PTPRQ: variants seen among roughly 807,000 people sequenced by gnomAD.
The protein encoded by PTPRQ is phosphatidylinositol phosphatase PTPRQ.
In PTPRQ, 199 loss-of-function variants were observed where a neutral mutation model predicts 246.0. The ratio of observed to expected loss-of-function variants is 0.81; its 90% confidence interval spans 0.72 to 0.91. The LOEUF is 0.91. PTPRQ is among the 40% of genes least tolerant of loss of function. PTPRQ has a pLI of 0.00. For synonymous variants in PTPRQ, 869 were observed against 853.2 expected, an observed-to-expected ratio of 1.02 and a Z score of -0.32; for missense variants, 2,624 against 2,528.4, an observed-to-expected ratio of 1.04 and a Z score of -0.81.
At chr12:80,463,464 C>G (rs919332868) in intron 6 of PTPRQ, among the ~76,000 whole-genome samples, 1 of 152,182 alleles carries the variant, frequency 6.6e-6, no homozygotes, top group African/African-American at 2.4e-5. Context: ...TCCAGGAGAA[C>G]TTCCCCAATC....
chr12:80,611,206 A>T (rs1158258617), intron 28 of PTPRQ, among the ~76,000 whole-genome samples: 1 of 150,352 alleles, frequency 6.7e-6, no homozygotes, highest in African/African-American at 2.4e-5. Flanking sequence ...GAATAATAAG[A>T]TTGTAACCAA....
At chr12:80,642,931 A>AAAAAAAC (rs1899929940) in intron 35 of PTPRQ, among the ~76,000 whole-genome samples, 2 of 114,994 alleles carry the variant, frequency 1.7e-5, no homozygotes, top group African/African-American at 5.2e-5. Flanking sequence ...AAAAAAAAAA[A>AAAAAAAC]AAAAAAAAAA....
intron 31 of PTPRQ, 46 bp from the exon 32 acceptor site, chr12:80,620,108 T>C (rs1257756772): frequency 6.7e-7 from 1 of 1,498,202 alleles, no homozygotes. Context: ...TAAAAATATA[T>C]TCATATGTTA....
intron 6 of PTPRQ, chr12:80,461,886 C>G (rs900171147): frequency 6.9e-6 from 1 of 144,474 alleles, no homozygotes; most frequent in African/African-American, 2.6e-5. Context: ...CGGGGGGAGC[C>G]AAGATGGCCG....
chr12:80,546,459 A>G (rs1242657962), intron 23 of PTPRQ, 97 bp from the exon 24 acceptor site: 2 of 1,140,378 alleles, frequency 1.8e-6, no homozygotes, highest in East Asian at 2.6e-5. Flanking sequence ...ATTAAACTAT[A>G]GGTTAAATAT....
At chr12:80,628,936 A>G (rs1297375804) in intron 33 of PTPRQ, among the ~76,000 whole-genome samples, 1 of 152,014 alleles carries the variant, frequency 6.6e-6, no homozygotes, top group African/African-American at 2.4e-5. Flanking sequence ...AATATCATAG[A>G]TGGGGTGTGT....
chr12:80,475,186 C>T (rs1268241852), intron 8 of PTPRQ, among the ~76,000 whole-genome samples: 3 of 151,922 alleles, frequency 2.0e-5, no homozygotes, highest in African/African-American at 7.3e-5. Flanking sequence ...AAATCATATG[C>T]TATTGTGTTT....
chr12:80,460,599 T>G (rs1043516378), intron 5 of PTPRQ, 54 bp from the exon 6 acceptor site: 12 of 398,134 alleles, frequency 3.0e-5, no homozygotes, highest in Non-Finnish European at 4.0e-5. Context: ...CTTATTCTTA[T>G]GTTCACCAAG....
Position 80,616,281 on chromosome 12 carries a change from T to C in PTPRQ, c.5230+15T>C. 6.8e-7 allele frequency: 1 copy of C among 1,460,224 alleles called. No homozygotes were observed. Among genetic ancestry groups the C allele is most frequent in the Non-Finnish European group, 9.1e-7 (1 of 1,104,206 alleles). 90.5% of individuals were successfully genotyped at this position (1,460,224 alleles called of 1,614,324 possible). On this transcript the variant is annotated intron_variant, in intron 30 of 44. Transcript: ENST00000644991. The stretch of plus-strand genomic sequence containing the variant: ...GGATATCAAAGGTACATACATGAGC[T>C]ACCTTCCTATGAAATGCTATTAATC...
intron 8 of PTPRQ, among the ~76,000 whole-genome samples, chr12:80,478,172 G>A (rs1338175505): frequency 6.8e-6 from 1 of 147,520 alleles, no homozygotes; most frequent in Non-Finnish European, 1.5e-5. Context: ...CCAGCACGCA[G>A]CTGGAGATCT....
chr12:80,679,015 A>T lies in PTPRQ; in HGVS notation c.6892A>T (p.Thr2298Ser). ...TGTTGAGCTTGAATGGGAAGAAACC[A>T]CTATGTAAATATTCAGACCAAAGGA... ...GDVELEWEETTM is the reference protein window; with the variant it reads ...GDVELEWEETSM The change falls in exon 45 of 45, where the codon ACT becomes TCT. Residue 2298 changes from threonine to serine, a missense_variant. Physicochemically the swap from Thr to Ser is moderately conservative, Grantham distance 58. Coordinates refer to ENST00000644991, the MANE Select transcript of PTPRQ (RefSeq NM_001145026.2). The T allele has an allele frequency of 1.3e-6, 2 of 1,548,092 alleles. No individual in the cohort carries two copies. Among genetic ancestry groups the T allele is most frequent in the Non-Finnish European group, 1.7e-6 (2 of 1,145,410 alleles).
At chr12:80,567,568 C>T (rs1897016296) in intron 25 of PTPRQ, among the ~76,000 whole-genome samples, 1 of 152,162 alleles carries the variant, frequency 6.6e-6, no homozygotes, top group African/African-American at 2.4e-5. Context: ...TGTTCTTAAG[C>T]TGTCTGTGTT....
chr12:80,468,228 A>C (rs1327296693), intron 6 of PTPRQ, among the ~76,000 whole-genome samples: 3 of 152,194 alleles, frequency 2.0e-5, no homozygotes, highest in Non-Finnish European at 4.4e-5. Context: ...TTCTTAGAAT[A>C]AATACAAATA....
intron 17 of PTPRQ, among the ~76,000 whole-genome samples, chr12:80,515,967 TG>T (rs915324507): frequency 6.6e-6 from 1 of 152,174 alleles, no homozygotes; most frequent in Non-Finnish European, 1.5e-5. Flanking sequence ...TTTTTCCTTC[TG>T]AAGTTTGCTT....
chr12:80,633,887 G>C (rs1345731229), intron 34 of PTPRQ, among the ~76,000 whole-genome samples: 1 of 152,124 alleles, frequency 6.6e-6, no homozygotes, highest in Non-Finnish European at 1.5e-5. Context: ...TGTGTGAGTA[G>C]GAAATGGTCC....
At chr12:80,617,484 A>AAG (rs1237148898) in intron 30 of PTPRQ, among the ~76,000 whole-genome samples, 1 of 151,458 alleles carries the variant, frequency 6.6e-6, no homozygotes. Flanking sequence ...TGACTTCACA[A>AAG]AGAATAGTAT....
At chr12:80,615,741 A>G (rs1242133244) in intron 29 of PTPRQ, among the ~76,000 whole-genome samples, 1 of 151,048 alleles carries the variant, frequency 6.6e-6, no homozygotes, top group Non-Finnish European at 1.5e-5. Flanking sequence ...AGGATCTTGA[A>G]TATGGATTTA....
At chr12:80,565,442 G>C (rs1193377688) in intron 25 of PTPRQ, among the ~76,000 whole-genome samples, 1 of 152,140 alleles carries the variant, frequency 6.6e-6, no homozygotes, top group African/African-American at 2.4e-5. Context: ...GTCCTATGCA[G>C]CTGTAGTTGA....
intron 9 of PTPRQ, among the ~76,000 whole-genome samples, chr12:80,486,602 G>A (rs1894283876): frequency 6.6e-6 from 1 of 152,114 alleles, no homozygotes; most frequent in South Asian, 2.1e-4. Context: ...ACAGGGTTGG[G>A]AGTAAATGAC....
Sources: allele counts gnomAD v4.1 joint callset (sites outside exome capture counted in the v4.1 genomes callset), GRCh38; gene constraint gnomAD v4.1.1; transcripts MANE v1.5; gene names NCBI Gene and HGNC (gene_info 2026-07-23, HGNC 2026-07-21).